TENM2: variants seen among roughly 807,000 people sequenced by gnomAD.
TENM2 encodes teneurin transmembrane protein 2, also known as teneurin-2.
TENM2 carries 52 observed loss-of-function variants against 245.2 expected under a neutral mutation model. The ratio of observed to expected loss-of-function variants is 0.21; its 90% CI spans 0.17 to 0.27. The LOEUF is 0.27. Among genes scored for constraint, TENM2 ranks in the 10% least tolerant of loss-of-function variants. TENM2 has a pLI of 1.00. For synonymous variants in TENM2, 1,363 were observed against 1,438.9 expected, an observed-to-expected ratio of 0.95 and a Z score of 1.19; for missense variants, 3,046 against 3,666.8, an observed-to-expected ratio of 0.83 and a Z score of 4.37.
intron 12 of TENM2, among the ~76,000 whole-genome samples, chr5:168,132,359 C>G (rs1380389266): frequency 6.6e-6 from 1 of 152,302 alleles, no homozygotes; most frequent in African/African-American, 2.4e-5. Flanking sequence ...TATGACTCAT[C>G]ATTCTGTAGT....
intron 4 of TENM2, among the ~76,000 whole-genome samples, chr5:167,976,464 C>T (rs755581888): frequency 6.6e-6 from 1 of 152,074 alleles, no homozygotes; most frequent in Non-Finnish European, 1.5e-5. Flanking sequence ...TACTCCATTT[C>T]CCAAATATCA....
At chr5:168,169,231 T>C (rs1470583443) in intron 13 of TENM2, among the ~76,000 whole-genome samples, 1 of 152,152 alleles carries the variant, frequency 6.6e-6, no homozygotes, top group East Asian at 1.9e-4. Flanking sequence ...CACAAATCCG[T>C]GTGATCAGTA....
chr5:166,996,764 T>C, the TENM2 span, among the ~76,000 whole-genome samples: 1 of 152,338 alleles, frequency 6.6e-6, no homozygotes, highest in East Asian at 1.9e-4. Context: ...CTATTCCTTA[T>C]GTAGCTATTG....
chr5:167,373,229 TAA>T (rs1760545626), intron 1 of TENM2, among the ~76,000 whole-genome samples: 1 of 152,128 alleles, frequency 6.6e-6, no homozygotes, highest in Non-Finnish European at 1.5e-5. Flanking sequence ...AAGCTCAGAA[TAA>T]AAAGACATAT....
chr5:167,136,202 A>C, the TENM2 span, among the ~76,000 whole-genome samples: 1 of 152,170 alleles, frequency 6.6e-6, no homozygotes, highest in African/African-American at 2.4e-5. Context: ...CAGCTGGATT[A>C]TTATTTTTTG....
intron 2 of TENM2, among the ~76,000 whole-genome samples, chr5:167,435,320 T>G (rs1329818927): frequency 6.6e-6 from 1 of 152,156 alleles, no homozygotes; most frequent in East Asian, 1.9e-4. Flanking sequence ...GTGTTTGAAT[T>G]ATGGGGGCAA....
chr5:167,690,923 ATGTGTGTG>A (rs375456466), intron 2 of TENM2, among the ~76,000 whole-genome samples: 26 of 78,780 alleles, frequency 3.3e-4, no homozygotes, highest in Admixed American at 1.5e-3. Context: ...ATATGCGAGT[ATGTGTGTG>A]TGTGTGTGTG....
At chr5:167,042,809 C>G in the TENM2 span, among the ~76,000 whole-genome samples, 1 of 152,140 alleles carries the variant, frequency 6.6e-6, no homozygotes, top group Non-Finnish European at 1.5e-5. Context: ...TTCGGTAGGT[C>G]AATTGTTTAG....
rs776703040 is a variant in TENM2, at chr5:168,247,234, C to T, written c.6295C>T (p.Arg2099Cys). Residue 2099 changes from arginine (R) to cysteine (C), a missense_variant, in exon 27 of 29, where the codon CGC (arginine) becomes TGC (cysteine). Arg to Cys is a radical substitution (Grantham distance 180). Transcript: ENST00000518659. This position sits in a 1 kb window ranked among gnomAD's most constrained non-coding sequence, Gnocchi z 7.8. ...CTACACCTATCATGACAACAGCTTCCGCATCGCAAGCATCAAGCCCGTCAT... is the reference window on the plus strand; with the variant it reads ...CTACACCTATCATGACAACAGCTTCTGCATCGCAAGCATCAAGCCCGTCAT... 24 of 1,613,898 alleles carry T rather than the reference C, an allele frequency of 1.5e-5. No individual in the cohort carries two copies. The highest frequency in any genetic ancestry group is 1.6e-4 in the Middle Eastern group (1 of 6,062).
intron 2 of TENM2, among the ~76,000 whole-genome samples, chr5:167,839,837 G>A (rs1302302474): frequency 6.6e-6 from 1 of 152,052 alleles, no homozygotes; most frequent in African/African-American, 2.4e-5. Context: ...TCTTTTTTGA[G>A]ATGGAATTTT....
intron 2 of TENM2, chr5:167,573,864 C>T (rs1249781898): frequency 5.0e-5 from 7 of 140,190 alleles, no homozygotes; most frequent in Admixed American, 3.6e-4. Context: ...TTTCAATAAG[C>T]ATTTTCTTGC....
chr5:167,293,165 G>T (rs531176163), intron 1 of TENM2, among the ~76,000 whole-genome samples: 13 of 152,074 alleles, frequency 8.5e-5, no homozygotes, highest in Non-Finnish European at 1.5e-4. Flanking sequence ...GATTGTTTGA[G>T]AAATGTTATT....
At chr5:167,666,053 G>A (rs1312456578) in intron 2 of TENM2, among the ~76,000 whole-genome samples, 2 of 152,148 alleles carry the variant, frequency 1.3e-5, no homozygotes, top group Non-Finnish European at 2.9e-5. Flanking sequence ...TAAAACAGGC[G>A]ATTCCCGTCA....
intron 5 of TENM2, among the ~76,000 whole-genome samples, chr5:168,041,464 T>G (rs879835783): frequency 5.3e-5 from 8 of 152,150 alleles, no homozygotes; most frequent in Non-Finnish European, 1.2e-4. Context: ...TCCACTCCCC[T>G]TCGGCGTGCT....
intron 9 of TENM2, among the ~76,000 whole-genome samples, chr5:168,115,304 G>T (rs938127773): frequency 5.4e-5 from 7 of 129,254 alleles, no homozygotes; most frequent in African/African-American, 1.7e-4. Flanking sequence ...AAAAAAGAAA[G>T]AAGGAAGGAA....
intron 1 of TENM2, among the ~76,000 whole-genome samples, chr5:167,325,815 C>T (rs1305874903): frequency 6.6e-6 from 1 of 152,178 alleles, no homozygotes; most frequent in Non-Finnish European, 1.5e-5. Context: ...AACACAGCAA[C>T]ATCTGTTCTG....
At chr5:167,689,894 G>A (rs1467058053) in intron 2 of TENM2, among the ~76,000 whole-genome samples, 1 of 152,100 alleles carries the variant, frequency 6.6e-6, no homozygotes, top group African/African-American at 2.4e-5. Context: ...CTGAGTAGCT[G>A]GGATTACAGG....
chr5:168,101,415 T>C (rs1243385782), intron 9 of TENM2, among the ~76,000 whole-genome samples: 2 of 152,154 alleles, frequency 1.3e-5, no homozygotes, highest in African/African-American at 4.8e-5. Context: ...TAAACCTAAG[T>C]ACCCCGGCCG....
the TENM2 span, among the ~76,000 whole-genome samples, chr5:167,219,385 C>T: frequency 4.6e-5 from 7 of 152,164 alleles, no homozygotes; most frequent in South Asian, 1.2e-3. Context: ...CCTATGTTAA[C>T]AGATACTACA....
Sources: allele counts gnomAD v4.1 joint callset (sites outside exome capture counted in the v4.1 genomes callset), GRCh38; gene constraint gnomAD v4.1.1; non-coding constraint Gnocchi (gnomAD v3.1); transcripts MANE v1.5; gene names NCBI Gene and HGNC (gene_info 2026-07-23, HGNC 2026-07-21).